The following RRP12 variants were observed in gnomAD, a reference collection of about 807,000 sequenced individuals.
RRP12 encodes RRP12-like protein.
RRP12 carries 78 observed loss-of-function variants against 157.3 expected under a neutral mutation model. That is an observed-to-expected ratio of 0.50 (90% CI 0.41 to 0.60). The LOEUF is 0.60. RRP12 is among the 20% of genes least tolerant of loss of function. RRP12 has a pLI of 0.00. For synonymous variants in RRP12, 726 were observed against 670.9 expected, an observed-to-expected ratio of 1.08 and a Z score of -1.27; for missense variants, 1,521 against 1,679.9, an observed-to-expected ratio of 0.91 and a Z score of 1.65.
At chr10:97,398,040 T>TATATA (rs1491347075) in intron 2 of RRP12, among the ~76,000 whole-genome samples, 4 of 33,610 alleles carry the variant, frequency 1.2e-4, no homozygotes, top group African/African-American at 1.7e-4. Flanking sequence ...TATATACGTA[T>TATATA]TTTTTTTTTT....
chr10:97,372,973 G>T, intron 18 of RRP12, 73 bp downstream of exon 18: 1 of 1,506,056 alleles, frequency 6.6e-7, no homozygotes, highest in Non-Finnish European at 9.0e-7. Context: ...CTGGTGGGTA[G>T]GGTCTCGGCC....
Position 97,370,533 on chromosome 10 carries a change from C to T in RRP12, c.2611G>A (p.Val871Met). 1 of 1,611,356 alleles carries T rather than the reference C, an allele frequency of 6.2e-7. No individual in the cohort carries two copies. The highest frequency in any genetic ancestry group is 2.2e-5 in the East Asian group (1 of 44,862). The change falls in exon 23 of 34, where the codon GTG becomes ATG. Residue 871 changes from valine (V) to methionine (M), a missense_variant. Physicochemically the swap from Val to Met is conservative, Grantham distance 21 (BLOSUM62 1). Transcript: ENST00000370992. Reference protein sequence around the residue: ...EVILCTKEVSVGARKNAFALL... With the variant: ...EVILCTKEVSMGARKNAFALL... Reference sequence around the variant, plus strand: ...GCAAAAGCGTTCTTCCGTGCGCCCACCGACACCTCCTTGGTGCACAGGATC... The same window carrying T: ...GCAAAAGCGTTCTTCCGTGCGCCCATCGACACCTCCTTGGTGCACAGGATC...
rs1163919234 is a variant in RRP12 at position 97,372,060 on chromosome 10, C to T, written c.2343+13G>A. 1 of 1,602,744 alleles carries T rather than the reference C, an allele frequency of 6.2e-7. No homozygotes were observed. Among genetic ancestry groups the T allele is most frequent in the Non-Finnish European group, 8.5e-7 (1 of 1,171,756 alleles). ...AGCGTGGCTGTGTGGCGCTCCTGGC[C>T]CCCGAGGCTCACCTCTAGGTAGGGC... On this transcript the variant is annotated intron_variant, in intron 20 of 33. Coordinates refer to ENST00000370992, the MANE Select transcript of RRP12 (RefSeq NM_015179.4).
chr10:97,389,913 A>G (rs2133087067), intron 6 of RRP12, among the ~76,000 whole-genome samples: 1 of 152,024 alleles, frequency 6.6e-6, no homozygotes, highest in African/African-American at 2.4e-5. Context: ...AGGTTTCACT[A>G]TGTTGGCCAG....
At chr10:97,393,849 C>T in intron 3 of RRP12, 89 bp from the exon 4 acceptor site, 4 of 1,079,484 alleles carry the variant, frequency 3.7e-6, no homozygotes, top group South Asian at 1.3e-5. Flanking sequence ...CCCAGCAGAA[C>T]AGTTGTGACT....
intron 6 of RRP12, among the ~76,000 whole-genome samples, 174 bp downstream of exon 6, chr10:97,390,249 A>C (rs1170465679): frequency 6.6e-6 from 1 of 152,194 alleles, no homozygotes; most frequent in Non-Finnish European, 1.5e-5. Context: ...CTCCTGGAGG[A>C]GGAAGAGCCG....
rs758602990 is a variant in RRP12, at chr10:97,400,321, G to A, written c.353C>T (p.Ser118Leu). 2.5e-6 allele frequency: 4 copies of A among 1,613,822 alleles called. No individual in the cohort carries two copies. Among genetic ancestry groups the A allele is most frequent in the Admixed American group, 3.3e-5 (2 of 59,968 alleles). ...CGCCCCTACCTCCTTGTGGGCAGCC[G>A]AGTTGGACTCCCAGAAGCGCTGTAC... Reference protein sequence around the residue: ...SKVQRFWESNSAAHKEICAVL... With the variant: ...SKVQRFWESNLAAHKEICAVL... Residue 118 changes from serine to leucine, a missense_variant, in exon 2 of 34, where the codon TCG becomes TTG. Transcript: ENST00000370992.
chr10:97,361,345 C>T (rs1843837086), intron 30 of RRP12, among the ~76,000 whole-genome samples: 1 of 152,210 alleles, frequency 6.6e-6, no homozygotes, highest in African/African-American at 2.4e-5. Flanking sequence ...GAGCCTAGAA[C>T]CAACAACCAG....
rs1843777038 is a variant in RRP12 at position 97,358,943 on chromosome 10, C to T, written c.3708G>A (p.Lys1236=). 1.2e-6 allele frequency: 2 copies of T among 1,613,248 alleles called. No individual in the cohort carries two copies. The highest frequency in any genetic ancestry group is 1.3e-5 in the African/African-American group (1 of 74,916). ...CCCATGCCCTACATGCAGCACTTAC[C>T]TTGGCCTTGTATTCAGCCCCAGGCA... The part of the protein sequence containing the change: ...KAMPGAEYKA[K]KAKGDVKKKG... Residue 1236 remains lysine (K), a splice_region_variant and synonymous_variant, in exon 32 of 34, where the codon AAG becomes AAA. Coordinates refer to ENST00000370992, the MANE Select transcript of RRP12 (RefSeq NM_015179.4).
At chr10:97,389,155 C>A (rs1481562838) in intron 6 of RRP12, among the ~76,000 whole-genome samples, 2 of 151,946 alleles carry the variant, frequency 1.3e-5, no homozygotes, top group Non-Finnish European at 2.9e-5. Flanking sequence ...AGTGCAGTGG[C>A]GGATCTCGGC....
chr10:97,362,745 T>C (rs1197637958), intron 30 of RRP12, among the ~76,000 whole-genome samples: 3 of 152,132 alleles, frequency 2.0e-5, no homozygotes, highest in Non-Finnish European at 2.9e-5. Context: ...CCTCAGCTAC[T>C]CTCTGACCCA....
intron 30 of RRP12, 55 bp from the exon 31 acceptor site, chr10:97,360,673 G>A (rs914951772): frequency 2.7e-5 from 36 of 1,349,668 alleles, no homozygotes; most frequent in East Asian, 2.3e-4. Flanking sequence ...GCCCACCCTC[G>A]GGAATGCCAA....
At chr10:97,390,056 T>C (rs1395701461) in intron 6 of RRP12, among the ~76,000 whole-genome samples, 1 of 151,992 alleles carries the variant, frequency 6.6e-6, no homozygotes. Context: ...CTCAGAGAGA[T>C]TAAGTAACTT....
intron 2 of RRP12, among the ~76,000 whole-genome samples, chr10:97,397,173 G>A (rs1170017588): frequency 1.3e-5 from 2 of 151,818 alleles, no homozygotes; most frequent in East Asian, 1.9e-4. Flanking sequence ...TGTTGTTGTT[G>A]TTTTTGAGAC....
Position 97,381,374 on chromosome 10 carries a change from C to G in RRP12, c.1418+12G>C, listed in dbSNP as rs199756602. On this transcript the variant is annotated intron_variant, in intron 12 of 33. Coordinates refer to ENST00000370992, the MANE Select transcript of RRP12 (RefSeq NM_015179.4). ...CCACCATCCCTTCCTAACATGGACCCCATATCCTCACCTGAACATCTTGGC... is the reference window on the plus strand; with the variant it reads ...CCACCATCCCTTCCTAACATGGACCGCATATCCTCACCTGAACATCTTGGC... 2 of 1,591,256 alleles carry G rather than the reference C, an allele frequency of 1.3e-6. No individual in the cohort carries two copies. Among genetic ancestry groups the G allele is most frequent in the East Asian group, 2.2e-5 (1 of 44,764 alleles).
At chr10:97,369,003 G>A (rs1046724542) in intron 25 of RRP12, among the ~76,000 whole-genome samples, 1 of 152,180 alleles carries the variant, frequency 6.6e-6, no homozygotes, top group Admixed American at 6.5e-5. Flanking sequence ...CAGCCCAGCA[G>A]GGGACCCAAA....
At chr10:97,376,872 CTTTCT>C (rs1844322772) in intron 15 of RRP12, among the ~76,000 whole-genome samples, 2 of 150,998 alleles carry the variant, frequency 1.3e-5, no homozygotes, top group South Asian at 4.2e-4. Flanking sequence ...CATACAATTT[CTTTCT>C]TTTCTTTTTT....
At chr10:97,382,684 A>G (rs1844503703) in intron 10 of RRP12, among the ~76,000 whole-genome samples, 1 of 152,078 alleles carries the variant, frequency 6.6e-6, no homozygotes, top group African/African-American at 2.4e-5. Flanking sequence ...CATACCTGCT[A>G]TTCTATGTCT....
Position 97,401,235 on chromosome 10 carries a change from G to A in RRP12, c.-4C>T. On this transcript the variant is annotated 5_prime_UTR_variant, in exon 1 of 34. Transcript: ENST00000370992. ...GCAACTTTCCCGAGCGACCCATGTT[G>A]ACTAAGCCGTGGCGAGGAATGAGCT... 6.2e-7 allele frequency: 1 copy of A among 1,614,150 alleles called. No individual in the cohort carries two copies. The highest frequency in any genetic ancestry group is 1.3e-5 in the African/African-American group (1 of 75,056).
Sources: gnomAD v4.1 joint callset for allele counts (sites outside exome capture counted in the v4.1 genomes callset) on GRCh38, gnomAD v4.1.1 for gene constraint, MANE v1.5 for transcripts, NCBI Gene and HGNC (gene_info 2026-07-23, HGNC 2026-07-21) for gene names.